Variants in OXR1 observed in about 807,000 individuals in gnomAD.
The protein encoded by OXR1 is oxidation resistance protein 1.
A neutral mutation model predicts 104.6 loss-of-function variants in OXR1; 41 were observed. That is an observed-to-expected ratio of 0.39 (90% CI 0.31 to 0.51). The LOEUF (loss-of-function observed/expected upper bound fraction) is 0.51. OXR1 is among the 20% of genes least tolerant of loss of function. OXR1 has a pLI of 0.77. For missense variants in OXR1, 955 were observed against 1,031.9 expected (o/e 0.93, Z 1.02); for synonymous variants, 348 against 348.4 (o/e 1.00, Z 0.01).
chr8:106,322,404 A>G (rs1391556574), intron 1 of OXR1, among the ~76,000 whole-genome samples: 1 of 152,172 alleles, frequency 6.6e-6, no homozygotes. Flanking sequence ...ACTTCAAAAC[A>G]ACAAGAGCCA....
intron 8 of OXR1, among the ~76,000 whole-genome samples, chr8:106,704,485 C>T (rs1214433423): frequency 7.0e-6 from 1 of 141,984 alleles, no homozygotes; most frequent in Non-Finnish European, 1.5e-5. Flanking sequence ...GCAACATCCA[C>T]CTCCTGGGTT....
intron 1 of OXR1, among the ~76,000 whole-genome samples, chr8:106,281,985 A>C (rs73698691): frequency 6.6e-6 from 1 of 152,112 alleles, no homozygotes; most frequent in Non-Finnish European, 1.5e-5. Flanking sequence ...TATATGCTAT[A>C]TTCTATTTTT....
chr8:106,604,848 G>T (rs1304506196), intron 3 of OXR1: 1 of 152,176 alleles, frequency 6.6e-6, no homozygotes, highest in Non-Finnish European at 1.5e-5. Flanking sequence ...TTTCAGAAAT[G>T]ATTGAAGCTG....
At chr8:106,716,058 C>T (rs941125859) in intron 11 of OXR1, among the ~76,000 whole-genome samples, 5 of 152,072 alleles carry the variant, frequency 3.3e-5, no homozygotes, top group Admixed American at 2.0e-4. Flanking sequence ...AATTAAAAAC[C>T]GATACTTGGT....
chr8:106,539,776 G>A (rs1814809703), intron 3 of OXR1, among the ~76,000 whole-genome samples: 1 of 152,118 alleles, frequency 6.6e-6, no homozygotes, highest in Non-Finnish European at 1.5e-5. Flanking sequence ...TAATAATAAG[G>A]GGTCAGATGG....
chr8:106,642,803 T>A (rs989815888), intron 3 of OXR1, among the ~76,000 whole-genome samples: 1 of 152,172 alleles, frequency 6.6e-6, no homozygotes, highest in Non-Finnish European at 1.5e-5. Flanking sequence ...AGTTGAAGGG[T>A]ATAGAAACAT....
chr8:106,382,609 A>T (rs1033029631), intron 2 of OXR1, among the ~76,000 whole-genome samples: 1 of 150,210 alleles, frequency 6.7e-6, no homozygotes, highest in Non-Finnish European at 1.5e-5. Flanking sequence ...CCCACAGCCC[A>T]GCTCTGCTAG....
chr8:106,677,358 G>A (rs1219392337), intron 3 of OXR1, among the ~76,000 whole-genome samples: 1 of 151,868 alleles, frequency 6.6e-6, no homozygotes, highest in Admixed American at 6.6e-5. Flanking sequence ...CATTAGAGAA[G>A]CAAATTTAAA....
At chr8:106,395,693 G>T (rs1817749106) in intron 2 of OXR1, among the ~76,000 whole-genome samples, 1 of 152,070 alleles carries the variant, frequency 6.6e-6, no homozygotes, top group Non-Finnish European at 1.5e-5. Flanking sequence ...GTTTAGTACA[G>T]ATACATCTAT....
rs193201348 is a variant in OXR1, at chr8:106,499,793, A to G, written c.24-19150A>G. On this transcript the variant is annotated intron_variant, in intron 2 of 16. Transcript: ENST00000517566. ...CAATATTTGGGTTCTGACTCCAGCA[A>G]TACCCTTGAAGTCAAATAGGAGCAT... Among the ~76,000 whole-genome samples the G allele has an allele frequency of 4.6e-5, 7 of 152,328 alleles. No individual in the cohort carries two copies. In the East Asian group the frequency reaches 1.4e-3, roughly 29 times the overall value.
intron 1 of OXR1, among the ~76,000 whole-genome samples, chr8:106,300,268 G>A (rs1813173668): frequency 6.6e-6 from 1 of 151,952 alleles, no homozygotes; most frequent in Admixed American, 6.6e-5. Flanking sequence ...TTTCAATTGA[G>A]CAGTGTCCCA....
At chr8:106,527,246 CTTG>C (rs896332941) in intron 3 of OXR1, among the ~76,000 whole-genome samples, 1 of 152,050 alleles carries the variant, frequency 6.6e-6, no homozygotes, top group African/African-American at 2.4e-5. Flanking sequence ...TATTAGTGAG[CTTG>C]TTGTTGTTGT....
Position 106,692,859 on chromosome 8 carries a change from A to C in OXR1, c.657A>C (p.Lys219Asn), listed in dbSNP as rs1024312664. The C allele has an allele frequency of 3.7e-6, 6 of 1,601,944 alleles. No homozygotes were observed. The highest frequency in any genetic ancestry group is 5.1e-6 in the Non-Finnish European group (6 of 1,173,028). Reference sequence around the variant, plus strand: ...AGAAATTTCTTAAAATTAATTGCAAATATATTACCAGTGGCAAGGTAAAGA... The same window carrying C: ...AGAAATTTCTTAAAATTAATTGCAACTATATTACCAGTGGCAAGGTAAAGA... ...FTEKFLKINC[K>N]YITSGKGTVS... Residue 219 changes from lysine (K) to asparagine (N), a missense_variant, in exon 7 of 17, where the codon AAA becomes AAC. By Grantham distance (94) the Lys-to-Asn change is moderately conservative (BLOSUM62 0). Coordinates refer to ENST00000517566, the MANE Select transcript of OXR1 (RefSeq NM_001198533.2).
chr8:106,457,318 T>G (rs945694196), intron 2 of OXR1, among the ~76,000 whole-genome samples: 6 of 152,206 alleles, frequency 3.9e-5, no homozygotes, highest in African/African-American at 1.4e-4. Context: ...CCTTCTGTCA[T>G]GGGATGATGC....
intron 2 of OXR1, among the ~76,000 whole-genome samples, chr8:106,491,544 A>C (rs1045021338): frequency 6.6e-6 from 1 of 152,298 alleles, no homozygotes; most frequent in Non-Finnish European, 1.5e-5. Context: ...TTCCTATATG[A>C]TCTGTGGCAT....
At chr8:106,329,378 G>A (rs1000716992) in intron 1 of OXR1, among the ~76,000 whole-genome samples, 4 of 143,254 alleles carry the variant, frequency 2.8e-5, no homozygotes, top group Non-Finnish European at 6.0e-5. Context: ...GACGGAGTCT[G>A]TCTCTGTCGC....
chr8:106,483,650 TA>T (rs1282033252), intron 2 of OXR1, among the ~76,000 whole-genome samples: 1 of 152,140 alleles, frequency 6.6e-6, no homozygotes, highest in African/African-American at 2.4e-5. Flanking sequence ...TTTCTATTTA[TA>T]AATTAATGAC....
chr8:106,708,722 T>G (rs935972539), intron 9 of OXR1, among the ~76,000 whole-genome samples: 9 of 152,214 alleles, frequency 5.9e-5, no homozygotes, highest in African/African-American at 2.2e-4. Context: ...TGAATAATGC[T>G]GCTTTGAACA....
chr8:106,340,604 T>C (rs1007113270), intron 1 of OXR1, among the ~76,000 whole-genome samples: 5 of 152,196 alleles, frequency 3.3e-5, no homozygotes, highest in Non-Finnish European at 7.4e-5. Flanking sequence ...ATCCCTGTTA[T>C]TTAGTTGTTA....
Sources: gnomAD v4.1 joint callset for allele counts (sites outside exome capture counted in the v4.1 genomes callset) on GRCh38, gnomAD v4.1.1 for gene constraint, MANE v1.5 for transcripts, NCBI Gene and HGNC (gene_info 2026-07-23, HGNC 2026-07-21) for gene names.